PDSS1: variants seen among roughly 807,000 people sequenced by gnomAD.
PDSS1 encodes all trans-polyprenyl-diphosphate synthase PDSS1.
A neutral mutation model predicts 57.5 loss-of-function variants in PDSS1; 43 were observed. The observed-to-expected ratio is 0.75, with a 90% CI of 0.59 to 0.96. PDSS1 has a LOEUF of 0.96. Ranked by LOEUF, PDSS1 falls within the 50% of genes least tolerant of loss-of-function variation. PDSS1 has a pLI of 0.00. For missense variants in PDSS1, 438 were observed against 527.8 expected (o/e 0.83, Z 1.67); for synonymous variants, 175 against 191.3 (o/e 0.91, Z 0.70).
chr10:26,723,519 G>A (rs533313656), intron 6 of PDSS1, among the ~76,000 whole-genome samples: 1 of 152,204 alleles, frequency 6.6e-6, no homozygotes, highest in East Asian at 1.9e-4. Flanking sequence ...GAGTGACATG[G>A]TCATCTCTGA....
Position 26,705,335 on chromosome 10 carries a change from A to G in PDSS1, c.277A>G (p.Thr93Ala). The G allele has an allele frequency of 6.2e-7, 1 of 1,613,350 alleles. No individual in the cohort carries two copies. Among genetic ancestry groups the G allele is most frequent in the East Asian group, 2.2e-5 (1 of 44,840 alleles). Residue 93 changes from threonine to alanine, a missense_variant, in exon 4 of 12, where the codon ACC (threonine) becomes GCC (alanine). Coordinates refer to ENST00000376215, the MANE Select transcript of PDSS1 (RefSeq NM_014317.5). Reference sequence around the variant, plus strand: ...TAAAACACACAGTGGTGAAAAATACACCGATCCTTTCAAACTCGGTTGGAG... The same window carrying G: ...TAAAACACACAGTGGTGAAAAATACGCCGATCCTTTCAAACTCGGTTGGAG... ...DSKTHSGEKYTDPFKLGWRDL... is the reference protein window; with the variant it reads ...DSKTHSGEKYADPFKLGWRDL...
intron 1 of PDSS1, 96 bp from the exon 2 acceptor site, chr10:26,702,066 T>C: frequency 2.3e-6 from 1 of 437,886 alleles, no homozygotes; most frequent in East Asian, 7.1e-5. Flanking sequence ...CCCCTTCGTT[T>C]TGGCCAATTT....
chr10:26,723,358 AT>A (rs1289525755), intron 6 of PDSS1, among the ~76,000 whole-genome samples: 1 of 152,162 alleles, frequency 6.6e-6, no homozygotes, highest in Non-Finnish European at 1.5e-5. Context: ...AGGCAGCTGC[AT>A]TTTGGTGGGG....
intron 11 of PDSS1, among the ~76,000 whole-genome samples, chr10:26,746,051 T>TAATA (rs1193831090): frequency 6.6e-5 from 10 of 152,206 alleles, no homozygotes; most frequent in Admixed American, 6.5e-4. Flanking sequence ...TGAGAAATTC[T>TAATA]AATAAGTAAA....
chr10:26,740,560 G>A (rs915162996), intron 10 of PDSS1: 7 of 449,000 alleles, frequency 1.6e-5, no homozygotes, highest in Admixed American at 2.4e-5. Context: ...ACTTGGCTGC[G>A]GCTTTTCTAT....
intron 4 of PDSS1, among the ~76,000 whole-genome samples, chr10:26,706,595 A>C (rs1259711301): frequency 6.6e-6 from 1 of 152,066 alleles, no homozygotes; most frequent in African/African-American, 2.4e-5. Flanking sequence ...TTGGGTGTTC[A>C]GTTTCTTCAC....
At chr10:26,730,195 A>T (rs191657005) in intron 8 of PDSS1, among the ~76,000 whole-genome samples, 2 of 151,296 alleles carry the variant, frequency 1.3e-5, no homozygotes, top group African/African-American at 4.8e-5. Flanking sequence ...TACAGGTGTG[A>T]GCCACCGCGC....
intron 10 of PDSS1, among the ~76,000 whole-genome samples, chr10:26,741,931 A>G (rs548345916): frequency 3.7e-4 from 56 of 152,248 alleles, no homozygotes; most frequent in African/African-American, 1.3e-3. Flanking sequence ...GTAGAGTGCA[A>G]TGGCGCAATC....
intron 5 of PDSS1, among the ~76,000 whole-genome samples, chr10:26,717,276 G>C (rs1249196127): frequency 6.6e-6 from 1 of 151,982 alleles, no homozygotes; most frequent in Non-Finnish European, 1.5e-5. Context: ...TACCCCCCAG[G>C]CTGGAGTACA....
intron 11 of PDSS1, 78 bp from the exon 12 acceptor site, chr10:26,746,255 C>CATTT: frequency 7.2e-7 from 1 of 1,385,100 alleles, no homozygotes; most frequent in South Asian, 1.2e-5. Flanking sequence ...ACTATGTGTT[C>CATTT]ATTTATTATA....
chr10:26,713,353 T>C (rs1835457740), intron 5 of PDSS1, among the ~76,000 whole-genome samples: 1 of 152,154 alleles, frequency 6.6e-6, no homozygotes, highest in Non-Finnish European at 1.5e-5. Flanking sequence ...GAGGGGATTT[T>C]AATAAACGAT....
At chr10:26,714,231 T>C (rs1835486336) in intron 5 of PDSS1, among the ~76,000 whole-genome samples, 1 of 152,140 alleles carries the variant, frequency 6.6e-6, no homozygotes, top group African/African-American at 2.4e-5. Flanking sequence ...CCCAGCACTT[T>C]GGGAGGCCAA....
chr10:26,701,896 G>T, intron 1 of PDSS1: 1 of 452,888 alleles, frequency 2.2e-6, no homozygotes, highest in Non-Finnish European at 4.4e-6. Flanking sequence ...AGCAGTGGGG[G>T]TTGAACCCTG....
chr10:26,723,799 T>C lies in PDSS1; in HGVS notation c.610-7T>C. Reference sequence around the variant, plus strand: ...GAACGTTCTGTTTTCCCCCTGTCTTTTTCTAGGCTGTTCTTGCTGGAGATT... The same window carrying C: ...GAACGTTCTGTTTTCCCCCTGTCTTCTTCTAGGCTGTTCTTGCTGGAGATT... On this transcript the variant is annotated splice_region_variant and splice_polypyrimidine_tract_variant and intron_variant, in intron 6 of 11. Transcript: ENST00000376215. 1 of 1,596,580 alleles carries C rather than the reference T, an allele frequency of 6.3e-7. No homozygotes were observed. The highest frequency in any genetic ancestry group is 8.6e-7 in the Non-Finnish European group (1 of 1,163,986).
chr10:26,745,876 T>C (rs115632124), intron 11 of PDSS1, among the ~76,000 whole-genome samples: 1 of 151,782 alleles, frequency 6.6e-6, no homozygotes, highest in East Asian at 1.9e-4. Flanking sequence ...AAAAAAACTA[T>C]TGGATAAAGT....
intron 5 of PDSS1, chr10:26,718,096 T>G (rs375020077): frequency 3.0e-4 from 46 of 152,076 alleles, no homozygotes; most frequent in African/African-American, 1.1e-3. Context: ...CAGGCTGGAG[T>G]GCAGTGGCAT....
intron 2 of PDSS1, among the ~76,000 whole-genome samples, chr10:26,703,641 G>A (rs999694528): frequency 6.6e-6 from 1 of 152,140 alleles, no homozygotes; most frequent in Non-Finnish European, 1.5e-5. Flanking sequence ...AAGGAGGATT[G>A]TCACTTTGTT....
rs574624767 is a variant in PDSS1, at chr10:26,746,440, G to C, written c.1215G>C (p.Gln405His). Residue 405 changes from glutamine (Q) to histidine (H), a missense_variant, in exon 12 of 12, where the codon CAG (glutamine) becomes CAC (histidine). By Grantham distance (24) the Gln-to-His change is conservative. This residue lies in a region of PDSS1 where 284 missense variants were observed against 390.7 expected (regional missense o/e 0.73). Transcript: ENST00000376215. Reference protein sequence around the residue: ...RPSPERDALIQLSEIVLTRDK With the variant: ...RPSPERDALIHLSEIVLTRDK Reference sequence around the variant, plus strand: ...CCCCAGAAAGAGATGCCCTCATTCAGCTTTCAGAAATTGTACTCACAAGAG... The same window carrying C: ...CCCCAGAAAGAGATGCCCTCATTCACCTTTCAGAAATTGTACTCACAAGAG... 1 of 1,614,098 alleles carries C rather than the reference G, an allele frequency of 6.2e-7. No homozygotes were observed. The highest frequency in any genetic ancestry group is 1.3e-5 in the African/African-American group (1 of 75,032).
Position 26,723,905 on chromosome 10 carries a change from G to C in PDSS1, c.709G>C (p.Asp237His). 1 of 1,609,408 alleles carries C rather than the reference G, an allele frequency of 6.2e-7. No individual in the cohort carries two copies. The highest frequency in any genetic ancestry group is 1.1e-5 in the South Asian group (1 of 90,988). Reference protein sequence around the residue: ...VISILTQVIEDLVRGEFLQLG... With the variant: ...VISILTQVIEHLVRGEFLQLG... ...ATCTATTTTAACCCAAGTTATTGAA[G>C]ATTTGGTGCGTGGTACGTTGATTCT... Residue 237 changes from aspartate to histidine, a missense_variant, in exon 7 of 12, where the codon GAT becomes CAT. Asp to His is a moderately conservative substitution (Grantham distance 81). Around this residue, in one of 2 missense-constraint regions of PDSS1, gnomAD observed 284 missense variants for 390.7 expected, o/e 0.73. Coordinates refer to ENST00000376215, the MANE Select transcript of PDSS1 (RefSeq NM_014317.5).
Sources: gnomAD v4.1 joint callset for allele counts (sites outside exome capture counted in the v4.1 genomes callset) on GRCh38, gnomAD v4.1.1 for gene constraint, gnomAD v4.1.1 regional missense constraint, MANE v1.5 for transcripts, NCBI Gene and HGNC (gene_info 2026-07-23, HGNC 2026-07-21) for gene names.